The following TEX2 variants were observed in gnomAD, a reference collection of about 807,000 sequenced individuals.
TEX2 encodes testis expressed 2.
In TEX2, 53 loss-of-function variants were observed where a neutral mutation model predicts 106.9. The ratio of observed to expected loss-of-function variants is 0.50; its 90% confidence interval spans 0.40 to 0.62. The LOEUF is 0.62. Among genes scored for constraint, TEX2 ranks in the 20% least tolerant of loss-of-function variants. TEX2 has a pLI of 0.00. For missense variants in TEX2, 1,207 were observed against 1,379.0 expected, an observed-to-expected ratio of 0.88 and a Z score of 1.98; for synonymous variants, 523 against 534.8, an observed-to-expected ratio of 0.98 and a Z score of 0.30.
intron 1 of TEX2, among the ~76,000 whole-genome samples, chr17:64,239,875 C>CAAAAA (rs61705973): frequency 1.0e-4 from 3 of 29,648 alleles, no homozygotes; most frequent in Non-Finnish European, 1.7e-4. Context: ...GACTCTGTCT[C>CAAAAA]AAAAAAAAAA....
intron 1 of TEX2, among the ~76,000 whole-genome samples, chr17:64,229,513 T>C (rs533026021): frequency 2.6e-5 from 4 of 152,220 alleles, no homozygotes; most frequent in South Asian, 2.1e-4. Context: ...TTTTTTAATA[T>C]ACAAAGTTTT....
At chr17:64,209,811 A>G (rs1423355425) in intron 2 of TEX2, among the ~76,000 whole-genome samples, 1 of 152,214 alleles carries the variant, frequency 6.6e-6, no homozygotes, top group Non-Finnish European at 1.5e-5. Flanking sequence ...CACTTAGCCC[A>G]CTGCAGTGCT....
Position 64,214,109 on chromosome 17 carries a change from G to A in TEX2, c.109C>T (p.His37Tyr), listed in dbSNP as rs782739312. The change falls in exon 2 of 12, where the codon CAC becomes TAC. Residue 37 changes from histidine to tyrosine, a missense_variant. Around this residue, in one of 3 missense-constraint regions of TEX2, gnomAD observed 1,067 missense variants for 1,193.6 expected, o/e 0.89. Coordinates refer to ENST00000584379, the MANE Select transcript of TEX2 (RefSeq NM_001288732.2). ...RSVSRDTIAI[H>Y]FSASGEEEEE... ...TCCTCCTCGCCGGATGCCGAGAAGT[G>A]AATGGCGATGGTATCTCGGGACACG... is the stretch of plus-strand genomic sequence containing the variant. The A allele has an allele frequency of 1.9e-6, 3 of 1,614,074 alleles. No individual in the cohort carries two copies. The highest frequency in any genetic ancestry group is 2.5e-6 in the Non-Finnish European group (3 of 1,180,052).
chr17:64,212,540 G>A (rs2033034015), intron 2 of TEX2, 34 bp downstream of exon 2: 2 of 1,548,382 alleles, frequency 1.3e-6, no homozygotes. Flanking sequence ...TGTGAGAAGT[G>A]TGTGTACTAG....
intron 1 of TEX2, among the ~76,000 whole-genome samples, chr17:64,219,497 C>T (rs1555633002): frequency 1.5e-5 from 2 of 136,996 alleles, no homozygotes; most frequent in African/African-American, 5.6e-5. Context: ...CAGAGTGAGA[C>T]TCCATCTCAT....
intron 1 of TEX2, among the ~76,000 whole-genome samples, chr17:64,247,763 G>A (rs573762354): frequency 2.6e-5 from 4 of 152,222 alleles, no homozygotes; most frequent in South Asian, 2.1e-4. Context: ...TCTCAGTTGC[G>A]GGCTTTTTGA....
chr17:64,158,483 C>T (rs9900607), intron 8 of TEX2, among the ~76,000 whole-genome samples: 133,492 of 152,260 alleles, frequency 0.88, 58,830 homozygotes, highest in African/African-American at 0.97. Context: ...TCAGATGTTC[C>T]GTGCTTTGGA....
intron 1 of TEX2, among the ~76,000 whole-genome samples, chr17:64,223,593 G>A (rs2033421841): frequency 6.6e-6 from 1 of 151,704 alleles, no homozygotes; most frequent in Non-Finnish European, 1.5e-5. Flanking sequence ...TACTAGATTA[G>A]AGGAAATACT....
chr17:64,194,977 A>G lies in TEX2; in HGVS notation c.1763T>C (p.Ile588Thr). The part of the protein sequence containing the change: ...TLRLSKPNKN[I>T]SRRASYNEPK... ...TTCATTGTAGCTGGCCCTCCTGGAT[A>G]TATTTTTATTGGGCTTTGAAAGTCT... The change falls in exon 3 of 12, where the codon ATA becomes ACA. Residue 588 changes from isoleucine (I) to threonine (T), a missense_variant. Ile to Thr is a moderately conservative substitution (Grantham distance 89, BLOSUM62 -1). Coordinates refer to ENST00000584379, the MANE Select transcript of TEX2 (RefSeq NM_001288732.2). 2 of 1,614,110 alleles carry G rather than the reference A, an allele frequency of 1.2e-6. No homozygotes were observed. Among genetic ancestry groups the G allele is most frequent in the South Asian group, 1.1e-5 (1 of 91,072 alleles).
chr17:64,200,504 T>C (rs1432376242), intron 2 of TEX2, among the ~76,000 whole-genome samples: 1 of 152,242 alleles, frequency 6.6e-6, no homozygotes, highest in African/African-American at 2.4e-5. Flanking sequence ...GGCTGCAGCC[T>C]GTGTGCTCGC....
chr17:64,219,966 C>T (rs1555633093), intron 1 of TEX2, among the ~76,000 whole-genome samples: 1 of 152,094 alleles, frequency 6.6e-6, no homozygotes, highest in Non-Finnish European at 1.5e-5. Context: ...CCTGGGTGGG[C>T]CCAATGTAAT....
At chr17:64,222,666 C>T (rs1482619556) in intron 1 of TEX2, among the ~76,000 whole-genome samples, 1 of 152,022 alleles carries the variant, frequency 6.6e-6, no homozygotes, top group Non-Finnish European at 1.5e-5. Context: ...AGATTTCACT[C>T]TTCAAAACTA....
intron 2 of TEX2, among the ~76,000 whole-genome samples, chr17:64,208,599 T>A (rs1306432591): frequency 8.6e-5 from 13 of 151,924 alleles, no homozygotes; most frequent in Admixed American, 6.6e-4. Flanking sequence ...TATTAAACCC[T>A]ATTTTTTTTA....
At chr17:64,209,867 C>G (rs1555631254) in intron 2 of TEX2, among the ~76,000 whole-genome samples, 3 of 152,204 alleles carry the variant, frequency 2.0e-5, no homozygotes, top group African/African-American at 7.2e-5. Context: ...CAGATCAAAG[C>G]AACCAGGCTG....
intron 1 of TEX2, among the ~76,000 whole-genome samples, chr17:64,219,864 C>T (rs911976461): frequency 5.3e-5 from 8 of 152,252 alleles, no homozygotes; most frequent in South Asian, 2.1e-4. Context: ...GAGACGTCCA[C>T]ATCCTAGTCC....
chr17:64,149,101 GAT>G lies in TEX2; in HGVS notation c.3262-12_3262-11del. ...GCATGACAAAAACTTTCTGTAGGAA[GAT>G]ATTAAAGAACAGCTATGTGGAAGAA... On this transcript the variant is annotated splice_polypyrimidine_tract_variant and intron_variant, in intron 11 of 11. Coordinates refer to ENST00000584379, the MANE Select transcript of TEX2 (RefSeq NM_001288732.2). 1.2e-6 allele frequency: 2 copies of G among 1,613,374 alleles called. No individual in the cohort carries two copies. Among genetic ancestry groups the G allele is most frequent in the South Asian group, 1.1e-5 (1 of 90,986 alleles).
At chr17:64,166,142 C>T (rs1014953354) in intron 7 of TEX2, among the ~76,000 whole-genome samples, 3 of 152,164 alleles carry the variant, frequency 2.0e-5, no homozygotes, top group South Asian at 2.1e-4. Flanking sequence ...CTGACAGAAG[C>T]GGCCCCCACC....
intron 1 of TEX2, among the ~76,000 whole-genome samples, chr17:64,252,738 G>A (rs1040733978): frequency 1.3e-5 from 2 of 152,080 alleles, no homozygotes; most frequent in African/African-American, 4.8e-5. Flanking sequence ...GGTCAGATAC[G>A]AAGCTAGGTA....
chr17:64,180,998 G>A (rs372524509), intron 5 of TEX2, among the ~76,000 whole-genome samples: 39 of 152,200 alleles, frequency 2.6e-4, no homozygotes, highest in African/African-American at 9.2e-4. Flanking sequence ...TGACACAGCG[G>A]AGGACCCTAC....
Sources: allele counts gnomAD v4.1 joint callset (sites outside exome capture counted in the v4.1 genomes callset), GRCh38; gene constraint gnomAD v4.1.1; regional missense constraint gnomAD v4.1.1; transcripts MANE v1.5; gene names NCBI Gene and HGNC (gene_info 2026-07-23, HGNC 2026-07-21).